Variants in PZP observed in about 807,000 individuals in gnomAD.
The protein encoded by PZP is PZP alpha-2-macroglobulin like, also known as pregnancy zone protein.
A neutral mutation model predicts 179.8 loss-of-function variants in PZP; 150 were observed. The observed-to-expected ratio is 0.83, with a 90% CI of 0.73 to 0.96. PZP has a LOEUF of 0.96. PZP is among the 40% of genes least tolerant of loss of function. The pLI is 0.00. For synonymous variants in PZP, 624 were observed against 652.3 expected (o/e 0.96, Z 0.66); for missense variants, 1,689 against 1,764.0 (o/e 0.96, Z 0.76).
chr12:9,160,563 C>T (rs1279875808), intron 23 of PZP, 73 bp from the exon 24 acceptor site: 1 of 1,364,702 alleles, frequency 7.3e-7, no homozygotes, highest in Non-Finnish European at 1.0e-6. Context: ...ACAAAAATGG[C>T]CTTTATATTC....
At chr12:9,191,195 TATAAA>T (rs1021457713) in intron 13 of PZP, among the ~76,000 whole-genome samples, 1 of 152,120 alleles carries the variant, frequency 6.6e-6, no homozygotes, top group Admixed American at 6.5e-5. Flanking sequence ...ATTGGAATAT[TATAAA>T]AGAAAAAATC....
chr12:9,138,188 C>T, the PZP span, among the ~76,000 whole-genome samples: 1 of 151,948 alleles, frequency 6.6e-6, no homozygotes, highest in African/African-American at 2.4e-5. Flanking sequence ...TTGAGATACT[C>T]TCCTATTTAT....
At chr12:9,182,160 C>T in intron 13 of PZP, 43 bp from the exon 14 acceptor site, 1 of 1,571,824 alleles carries the variant, frequency 6.4e-7, no homozygotes, top group Non-Finnish European at 8.7e-7. Context: ...ATAAGTGAGA[C>T]AAAAAGGTCA....
chr12:9,163,296 C>CGA (rs1355321185), intron 21 of PZP, among the ~76,000 whole-genome samples: 15 of 134,432 alleles, frequency 1.1e-4, no homozygotes, highest in Non-Finnish European at 2.2e-4. Context: ...ACTAAAAATA[C>CGA]AAAAAAAAAA....
At chr12:9,197,590 A>C (rs1398920817) in intron 7 of PZP, among the ~76,000 whole-genome samples, 1 of 93,074 alleles carries the variant, frequency 1.1e-5, no homozygotes, top group African/African-American at 4.3e-5. Flanking sequence ...ACATAATATA[A>C]TATATAAATA....
In PZP at chr12:9,149,563, G is replaced by A; in HGVS notation, c.4424C>T (p.Thr1475Ile). ...GGTCATAAGTGGTGAACTCTTACCT[G>A]TGCTGCAGGGGGCGATATACTCAGC... is the stretch of plus-strand genomic sequence containing the variant. Reference protein sequence around the residue: ...VVAEYIAPCSTDTEHGNV With the variant: ...VVAEYIAPCSIDTEHGNV Residue 1475 changes from threonine (T) to isoleucine (I), a missense_variant and splice_region_variant, in exon 35 of 36, where the codon ACA becomes ATA. Physicochemically the swap from Thr to Ile is moderately conservative, Grantham distance 89 (BLOSUM62 -1). Transcript: ENST00000261336. 1 of 1,612,840 alleles carries A rather than the reference G, an allele frequency of 6.2e-7. No individual in the cohort carries two copies. Among genetic ancestry groups the A allele is most frequent in the Non-Finnish European group, 8.5e-7 (1 of 1,179,244 alleles).
At chr12:9,165,471 T>A in intron 18 of PZP, 104 bp from the exon 19 acceptor site, 2 of 1,285,710 alleles carry the variant, frequency 1.6e-6, no homozygotes, top group Non-Finnish European at 2.2e-6. Context: ...TGAATCCACT[T>A]AAGGGTATAT....
At chr12:9,178,825 G>A (rs1414935126) in intron 15 of PZP, among the ~76,000 whole-genome samples, 1 of 152,170 alleles carries the variant, frequency 6.6e-6, no homozygotes, top group South Asian at 2.1e-4. Flanking sequence ...AGATCAGGGG[G>A]CACTAGTGGA....
chr12:9,167,327 TCTTA>T (rs1248341251), intron 17 of PZP: 2 of 152,208 alleles, frequency 1.3e-5, no homozygotes, highest in African/African-American at 2.4e-5. Flanking sequence ...TCCTTCCTAC[TCTTA>T]CTGTCAACTT....
At position 9,163,614 on chromosome 12, in the gene PZP, G is replaced by T; in HGVS notation, c.2736+54C>A. The T allele has an allele frequency of 1.9e-6, 3 of 1,591,132 alleles. No individual in the cohort carries two copies. In the South Asian group the frequency reaches 3.4e-5, roughly 18 times the overall value. ...AATGGTTCTTTGTTGTCTCAAGAGT[G>T]ACCGCCCGGTGTTGCATTCTTACAG... On this transcript the variant is annotated intron_variant, in intron 21 of 35. Coordinates refer to ENST00000261336, the MANE Select transcript of PZP (RefSeq NM_002864.3).
intron 25 of PZP, among the ~76,000 whole-genome samples, chr12:9,159,444 C>G (rs1205581898): frequency 6.6e-6 from 1 of 151,868 alleles, no homozygotes; most frequent in African/African-American, 2.4e-5. Flanking sequence ...TCCACCAAAA[C>G]TCATGTTAAA....
rs777501029 is a variant in PZP at position 9,161,033 on chromosome 12, C to T, written c.2872G>A (p.Gly958Ser). 4 of 1,577,366 alleles carry T rather than the reference C, an allele frequency of 2.5e-6. No individual in the cohort carries two copies. Among genetic ancestry groups the T allele is most frequent in the East Asian group, 2.2e-5 (1 of 44,698 alleles). Residue 958 changes from glycine to serine, a missense_variant and splice_region_variant, in exon 23 of 36, where the codon GGT becomes AGT. Around this residue, in one of 3 missense-constraint regions of PZP, gnomAD observed 746 missense variants for 749.2 expected, o/e 1.00. Transcript: ENST00000261336. ...ESARASFSVL[G>S]DILGSAMQNI... ...GTTTACTAAATGGAAGGTGACTCAC[C>T]CAGAACTGAGAAAGAAGCTCTGGCA...
Position 9,154,827 on chromosome 12 carries a change from T to C in PZP, c.3563A>G (p.His1188Arg). The change falls in exon 29 of 36, where the codon CAT becomes CGT. Residue 1188 changes from histidine (H) to arginine (R), a missense_variant. This residue lies in a region of PZP where 746 missense variants were observed against 749.2 expected (regional missense o/e 1.00). Transcript: ENST00000261336. Reference protein sequence around the residue: ...KEAVKEDNLVHWERPQRPKAP... With the variant: ...KEAVKEDNLVRWERPQRPKAP... ...CTTGGGTCTCTGAGGGCGCTCCCAATGGACGAGGTTGTCTTAAGGGTGAGA... is the reference window on the plus strand; with the variant it reads ...CTTGGGTCTCTGAGGGCGCTCCCAACGGACGAGGTTGTCTTAAGGGTGAGA... 1 of 1,613,878 alleles carries C rather than the reference T, an allele frequency of 6.2e-7. No homozygotes were observed. Among genetic ancestry groups the C allele is most frequent in the Non-Finnish European group, 8.5e-7 (1 of 1,179,908 alleles).
At chr12:9,201,465 AAACAT>A (rs1181435472) in intron 4 of PZP, 118 bp from the exon 5 acceptor site, 5 of 757,790 alleles carry the variant, frequency 6.6e-6, no homozygotes, top group South Asian at 2.0e-5. Context: ...ATTCAACAAG[AAACAT>A]AACAGAACTG....
At chr12:9,174,417 A>G (rs770600913) in intron 15 of PZP, among the ~76,000 whole-genome samples, 2 of 152,222 alleles carry the variant, frequency 1.3e-5, no homozygotes, top group Non-Finnish European at 2.9e-5. Flanking sequence ...GGCACAAGAC[A>G]GGGAAGCCCT....
chr12:9,206,870 G>A (rs1944460874), intron 1 of PZP, among the ~76,000 whole-genome samples: 1 of 152,176 alleles, frequency 6.6e-6, no homozygotes. Context: ...ATTGCTTAAT[G>A]TTTCTGACCC....
rs779580863 is a variant in PZP at position 9,148,977 on chromosome 12, C to T, written c.4444G>A (p.Val1482Ile). ...PCSTDTEHGNV is the reference protein window; with the variant it reads ...PCSTDTEHGNI ...ATATACAGCCTGTATGGTCCTCAAA[C>T]ATTTCCATGCTCTGTATCTATGGAG... Residue 1482 changes from valine (V) to isoleucine (I), a missense_variant, in exon 36 of 36, where the codon GTT becomes ATT. Physicochemically the swap from Val to Ile is conservative, Grantham distance 29. Coordinates refer to ENST00000261336, the MANE Select transcript of PZP (RefSeq NM_002864.3). 4 of 1,610,900 alleles carry T rather than the reference C, an allele frequency of 2.5e-6. No individual in the cohort carries two copies. Among genetic ancestry groups the T allele is most frequent in the Admixed American group, 1.7e-5 (1 of 59,976 alleles).
chr12:9,158,341 T>G (rs1940912481), intron 26 of PZP, 79 bp downstream of exon 26: 3 of 1,544,834 alleles, frequency 1.9e-6, no homozygotes, highest in Non-Finnish European at 2.7e-6. Context: ...GCAATTTCCT[T>G]GTGCCTCCTT....
intron 15 of PZP, among the ~76,000 whole-genome samples, chr12:9,177,003 T>G (rs74063006): frequency 0.039 from 5,863 of 152,266 alleles, 390 homozygotes; most frequent in African/African-American, 0.13. Context: ...CGAGTATATT[T>G]TACATGTGAG....
Sources: gnomAD v4.1 joint callset for allele counts (sites outside exome capture counted in the v4.1 genomes callset) on GRCh38, gnomAD v4.1.1 for gene constraint, gnomAD v4.1.1 regional missense constraint, MANE v1.5 for transcripts, NCBI Gene and HGNC (gene_info 2026-07-23, HGNC 2026-07-21) for gene names.